BTAF1: variants seen among roughly 807,000 people sequenced by gnomAD.
BTAF1 encodes the protein B-TFIID TATA-box binding protein associated factor 1, also known as TATA-binding protein-associated factor 172.
BTAF1 carries 38 observed loss-of-function variants against 227.1 expected under a neutral mutation model. The ratio of observed to expected loss-of-function variants is 0.17; its 90% CI spans 0.13 to 0.22. BTAF1 has a LOEUF of 0.22. Ranked by LOEUF, BTAF1 falls within the 10% of genes least tolerant of loss-of-function variation. The probability of loss-of-function intolerance (pLI) is 1.00; values close to 1 mark genes in which losing one functional copy is unlikely to be tolerated. For synonymous variants in BTAF1, 742 were observed against 751.9 expected (o/e 0.99, Z 0.21); for missense variants, 1,598 against 2,204.0 (o/e 0.73, Z 5.51).
rs80057906 is a variant in BTAF1, at chr10:91,994,478, G to A, written c.3200-57G>A. On this transcript the variant is annotated intron_variant, in intron 22 of 37. Transcript: ENST00000265990. ...CTGAAAAAGTGCTAAAAGTTTTTGT[G>A]TGCTCTAGATTTTGAAAAATTATTT... 58 of 1,325,394 alleles carry A rather than the reference G, an allele frequency of 4.4e-5. No homozygotes were observed. The Middle Eastern group carries it at 2.0e-3, about 46-fold the overall frequency. The allele number at this position is 1,325,394 out of a possible 1,614,324, so 82.1% of individuals were successfully genotyped here.
At chr10:91,976,802 C>G (rs72823201) in intron 14 of BTAF1, among the ~76,000 whole-genome samples, 21,220 of 152,148 alleles carry the variant, frequency 0.14, 1,604 homozygotes, top group Middle Eastern at 0.2. Context: ...CTGCTATGGG[C>G]TCGAACAATT....
At chr10:91,947,776 A>T (rs1845479961) in intron 4 of BTAF1, among the ~76,000 whole-genome samples, 1 of 143,510 alleles carries the variant, frequency 7.0e-6, no homozygotes, top group Admixed American at 7.0e-5. Context: ...GGATTTTGAT[A>T]GCAATTTTGT....
At chr10:92,019,505 G>A (rs1451555646) in intron 34 of BTAF1, among the ~76,000 whole-genome samples, 1 of 152,102 alleles carries the variant, frequency 6.6e-6, no homozygotes. Context: ...ACTCTTTTTA[G>A]TTCTTTTGGC....
chr10:91,931,284 C>G (rs1195124289), intron 1 of BTAF1, among the ~76,000 whole-genome samples: 1 of 152,122 alleles, frequency 6.6e-6, no homozygotes, highest in East Asian at 1.9e-4. Context: ...GAATTGACAT[C>G]CAGATTGAAA....
intron 4 of BTAF1, among the ~76,000 whole-genome samples, chr10:91,946,029 G>A (rs1465923387): frequency 6.6e-6 from 1 of 152,160 alleles, no homozygotes; most frequent in African/African-American, 2.4e-5. Context: ...ATATTCCATT[G>A]TATGAATACC....
At chr10:91,991,259 A>AAT (rs1452854281) in intron 20 of BTAF1, among the ~76,000 whole-genome samples, 1 of 63,088 alleles carries the variant, frequency 1.6e-5, no homozygotes, top group Non-Finnish European at 4.6e-5. Context: ...AAAATATATA[A>AAT]ATATAAATAT....
At position 92,008,863 on chromosome 10, in the gene BTAF1, A is replaced by C; in HGVS notation, c.3848A>C (p.Tyr1283Ser). The C allele has an allele frequency of 6.2e-7, 1 of 1,613,074 alleles. No homozygotes were observed. Among genetic ancestry groups the C allele is most frequent in the Non-Finnish European group, 8.5e-7 (1 of 1,179,122 alleles). The change falls in exon 27 of 38, where the codon TAT (tyrosine) becomes TCT (serine). Residue 1283 changes from tyrosine (Y) to serine (S), a missense_variant. Tyr to Ser is a moderately radical substitution (Grantham distance 144). Transcript: ENST00000265990. ...AACTGGTTAGCATTTCTTAATAAGT[A>C]TAAACTTCATGGAATTCTGTGTGAT... Reference protein sequence around the residue: ...GVNWLAFLNKYKLHGILCDDM... With the variant: ...GVNWLAFLNKSKLHGILCDDM...
At chr10:92,025,075 T>C in intron 35 of BTAF1, 108 bp downstream of exon 35, 2 of 952,658 alleles carry the variant, frequency 2.1e-6, no homozygotes, top group Non-Finnish European at 3.1e-6. Context: ...ATGCATTTTT[T>C]TAATTGTGTA....
chr10:91,933,750 A>C (rs528079211), intron 1 of BTAF1, among the ~76,000 whole-genome samples: 1 of 152,360 alleles, frequency 6.6e-6, no homozygotes, highest in South Asian at 2.1e-4. Flanking sequence ...ATGAGGAAAT[A>C]ATATTTTAAA....
chr10:92,017,443 AGATT>A (rs1850814871), intron 33 of BTAF1, among the ~76,000 whole-genome samples: 1 of 152,172 alleles, frequency 6.6e-6, no homozygotes, highest in African/African-American at 2.4e-5. Context: ...TCCTGCTAAT[AGATT>A]AAGTACTGTA....
rs1845095425 is a variant in BTAF1, at chr10:91,942,676, T to A, written c.400+108T>A. Reference sequence around the variant, plus strand: ...ACGTAAACTAACATGTCATGAAATGTAAATTAACTGAAGTTTGCAGGTGGC... The same window carrying A: ...ACGTAAACTAACATGTCATGAAATGAAAATTAACTGAAGTTTGCAGGTGGC... On this transcript the variant is annotated intron_variant, in intron 4 of 37. Transcript: ENST00000265990. 4 of 1,283,572 alleles carry A rather than the reference T, an allele frequency of 3.1e-6. No homozygotes were observed. In the South Asian group the frequency reaches 6.2e-5, roughly 20 times the overall value. 79.5% of individuals were successfully genotyped at this position (1,283,572 alleles called of 1,614,324 possible). A position where few individuals can be genotyped will look rare whatever the true frequency, so the allele number is the denominator to read the frequency against.
chr10:92,008,980 T>C (rs201620359), intron 27 of BTAF1, 30 bp downstream of exon 27: 40 of 1,611,886 alleles, frequency 2.5e-5, no homozygotes, highest in Non-Finnish European at 3.3e-5. Context: ...TAAAATAAGG[T>C]TTCCGGATTT....
chr10:91,935,605 T>C, intron 1 of BTAF1, 52 bp from the exon 2 acceptor site: 3 of 1,596,588 alleles, frequency 1.9e-6, no homozygotes, highest in Non-Finnish European at 2.6e-6. Flanking sequence ...CTTAAACTTG[T>C]ACATACGAGG....
At chr10:91,963,414 G>A (rs960143172) in intron 12 of BTAF1, among the ~76,000 whole-genome samples, 33 of 130,056 alleles carry the variant, frequency 2.5e-4, no homozygotes, top group African/African-American at 8.5e-4. Flanking sequence ...GCGAGACTCC[G>A]TCTCAAAAAA....
At chr10:91,958,618 G>A (rs1212361397) in intron 8 of BTAF1, among the ~76,000 whole-genome samples, 3 of 152,058 alleles carry the variant, frequency 2.0e-5, no homozygotes, top group Non-Finnish European at 4.4e-5. Flanking sequence ...CAGGAGAATC[G>A]CTTGAACCCG....
chr10:92,010,829 G>A (rs1249522518), intron 28 of BTAF1, among the ~76,000 whole-genome samples: 2 of 152,166 alleles, frequency 1.3e-5, no homozygotes, highest in Non-Finnish European at 2.9e-5. Context: ...AGGAAGAGAT[G>A]TTGGCAAATA....
chr10:92,023,070 C>T lies in BTAF1; in HGVS notation c.4864-1686C>T, dbSNP rs540768474. 2.0e-5 allele frequency among the ~76,000 whole-genome samples: 3 copies of T among 152,220 alleles called. No homozygotes were observed. In the South Asian group the frequency reaches 6.2e-4, roughly 32 times the overall value. On this transcript the variant is annotated intron_variant, in intron 34 of 37. Transcript: ENST00000265990. ...TACTGGGGGCTGGTCACATATACTC[C>T]CTTTGCCTAGCATGGATCAAAATTC...
intron 14 of BTAF1, among the ~76,000 whole-genome samples, chr10:91,969,829 TG>T (rs1175970093): frequency 2.0e-5 from 3 of 152,020 alleles, no homozygotes; most frequent in Non-Finnish European, 4.4e-5. Flanking sequence ...CTGGGCATGA[TG>T]GTGTCTGCCT....
rs762357798 is a variant in BTAF1, at chr10:91,962,580, A to G, written c.1306A>G (p.Ile436Val). ...ATTGCCTAAAGTTTTAACTAGAATA[A>G]TTGAAGGACTCCAGGATCTTGATGA... The part of the protein sequence containing the change: ...TLLPKVLTRI[I>V]EGLQDLDDDV... The change falls in exon 12 of 38, where the codon ATT (isoleucine) becomes GTT (valine). Residue 436 changes from isoleucine to valine, a missense_variant. Ile to Val is a conservative substitution (Grantham distance 29, BLOSUM62 3). Coordinates refer to ENST00000265990, the MANE Select transcript of BTAF1 (RefSeq NM_003972.3). 1 of 1,597,698 alleles carries G rather than the reference A, an allele frequency of 6.3e-7. No homozygotes were observed. The highest frequency in any genetic ancestry group is 1.1e-5 in the South Asian group (1 of 89,790).
Sources: gnomAD v4.1 joint callset for allele counts (sites outside exome capture counted in the v4.1 genomes callset) on GRCh38, gnomAD v4.1.1 for gene constraint, MANE v1.5 for transcripts, NCBI Gene and HGNC (gene_info 2026-07-23, HGNC 2026-07-21) for gene names.